KCNQ5: variants seen among roughly 807,000 people sequenced by gnomAD.
KCNQ5 encodes the protein potassium voltage-gated channel subfamily KQT member 5.
In KCNQ5, 30 loss-of-function variants were observed where a neutral mutation model predicts 98.2. The ratio of observed to expected loss-of-function variants is 0.31; its 90% confidence interval spans 0.23 to 0.41. The LOEUF (loss-of-function observed/expected upper bound fraction) is 0.41. KCNQ5 is among the 10% of genes least tolerant of loss of function. The pLI, the probability that KCNQ5 is intolerant of heterozygous loss-of-function variation, is 1.00. For missense variants in KCNQ5, 835 were observed against 1,182.5 expected, an observed-to-expected ratio of 0.71 and a Z score of 4.31; for synonymous variants, 458 against 449.4, an observed-to-expected ratio of 1.02 and a Z score of -0.24.
intron 5 of KCNQ5, among the ~76,000 whole-genome samples, chr6:73,096,651 T>C (rs1774514215): frequency 6.6e-6 from 1 of 152,236 alleles, no homozygotes; most frequent in Admixed American, 6.5e-5. Flanking sequence ...TAGTTGTATA[T>C]ATTTCTGGGG....
intron 1 of KCNQ5, among the ~76,000 whole-genome samples, chr6:72,914,724 A>C (rs1047204383): frequency 2.6e-5 from 4 of 151,096 alleles, no homozygotes; most frequent in Non-Finnish European, 5.9e-5. Context: ...TTCTTTGCTA[A>C]GGAGCTTGTC....
chr6:72,735,480 G>A (rs571056032), intron 1 of KCNQ5, among the ~76,000 whole-genome samples: 1 of 152,154 alleles, frequency 6.6e-6, no homozygotes, highest in African/African-American at 2.4e-5. Context: ...ATACAATAGA[G>A]TACTACTAAT....
At chr6:72,733,125 A>G (rs1263394213) in intron 1 of KCNQ5, among the ~76,000 whole-genome samples, 1 of 152,196 alleles carries the variant, frequency 6.6e-6, no homozygotes, top group African/African-American at 2.4e-5. Flanking sequence ...TGGGCTGAAG[A>G]AATAAGTTTA....
chr6:72,771,545 A>T (rs1040648674), intron 1 of KCNQ5, among the ~76,000 whole-genome samples: 78 of 152,050 alleles, frequency 5.1e-4, no homozygotes, highest in African/African-American at 1.8e-3. Flanking sequence ...CTGATTAGTG[A>T]TGTAGAGCAC....
At chr6:72,870,641 C>G (rs1357045241) in intron 1 of KCNQ5, among the ~76,000 whole-genome samples, 1 of 152,110 alleles carries the variant, frequency 6.6e-6, no homozygotes, top group African/African-American at 2.4e-5. Context: ...TATTAAATAG[C>G]ATCCAAATAC....
intron 5 of KCNQ5, among the ~76,000 whole-genome samples, chr6:73,088,953 TC>T (rs1774113501): frequency 6.6e-6 from 1 of 152,168 alleles, no homozygotes; most frequent in South Asian, 2.1e-4. Flanking sequence ...TATTTCAATC[TC>T]TCCTGTACAT....
intron 1 of KCNQ5, among the ~76,000 whole-genome samples, chr6:72,976,533 C>T (rs1582122840): frequency 6.6e-6 from 1 of 152,246 alleles, no homozygotes; most frequent in Non-Finnish European, 1.5e-5. Flanking sequence ...TCTTCCTCAC[C>T]CTTACAAATA....
intron 5 of KCNQ5, among the ~76,000 whole-genome samples, chr6:73,096,623 T>C (rs545212972): frequency 2.6e-4 from 39 of 152,338 alleles, no homozygotes; most frequent in Admixed American, 2.1e-3. Context: ...TTTTCTTTCA[T>C]TGTAAATTGA....
intron 1 of KCNQ5, among the ~76,000 whole-genome samples, chr6:72,955,909 G>A (rs980121310): frequency 9.9e-5 from 15 of 152,176 alleles, no homozygotes; most frequent in Admixed American, 2.0e-4. Context: ...GACACAGAGT[G>A]AGACTCCATC....
chr6:72,869,170 A>G (rs538202061), intron 1 of KCNQ5, among the ~76,000 whole-genome samples: 1 of 152,336 alleles, frequency 6.6e-6, no homozygotes, highest in East Asian at 1.9e-4. Context: ...CAATGTCAAG[A>G]GCCACTTTCT....
At chr6:72,899,537 C>T (rs947176241) in intron 1 of KCNQ5, among the ~76,000 whole-genome samples, 1 of 152,080 alleles carries the variant, frequency 6.6e-6, no homozygotes, top group African/African-American at 2.4e-5. Context: ...AAATTTTTAT[C>T]TCAAATTTAA....
At position 72,656,744 on chromosome 6, in the gene KCNQ5, C is replaced by T. The variant is rs1023577762; in HGVS notation, c.398+34157C>T. Among the ~76,000 whole-genome samples, 3 of 152,152 alleles carry T rather than the reference C, an allele frequency of 2.0e-5. No homozygotes were observed. The East Asian group carries it at 5.8e-4, about 29-fold the overall frequency. On this transcript the variant is annotated intron_variant, in intron 1 of 13. Transcript: ENST00000370398. ...ATGCTCTATGAGGGTTTCTCCACCA[C>T]ACAAATTTATGTCCACTGAGAGCAT...
At chr6:72,968,410 A>G (rs1767721057) in intron 1 of KCNQ5, among the ~76,000 whole-genome samples, 1 of 152,146 alleles carries the variant, frequency 6.6e-6, no homozygotes, top group South Asian at 2.1e-4. Context: ...ACGGGTGAAG[A>G]AAAGAATCTC....
chr6:72,918,619 G>T (rs906541334), intron 1 of KCNQ5, among the ~76,000 whole-genome samples: 1 of 151,906 alleles, frequency 6.6e-6, no homozygotes, highest in African/African-American at 2.4e-5. Flanking sequence ...GAAATTGAGG[G>T]CTGGCTGGCC....
chr6:73,042,861 T>C (rs1771775549), intron 3 of KCNQ5, among the ~76,000 whole-genome samples: 1 of 152,108 alleles, frequency 6.6e-6, no homozygotes, highest in Non-Finnish European at 1.5e-5. Context: ...ATAAAAGCTA[T>C]TATTATTATT....
chr6:73,167,202 A>G (rs1562216625), intron 10 of KCNQ5, among the ~76,000 whole-genome samples: 1 of 152,218 alleles, frequency 6.6e-6, no homozygotes, highest in Non-Finnish European at 1.5e-5. Flanking sequence ...CTGAGTCAGA[A>G]CCAACTGTCA....
At chr6:72,977,715 T>C (rs933746258) in intron 1 of KCNQ5, among the ~76,000 whole-genome samples, 1 of 152,182 alleles carries the variant, frequency 6.6e-6, no homozygotes, top group African/African-American at 2.4e-5. Flanking sequence ...CTCTCCCCGC[T>C]TCTGCATCCT....
chr6:73,000,290 C>T (rs769524441), intron 1 of KCNQ5, among the ~76,000 whole-genome samples: 14 of 152,160 alleles, frequency 9.2e-5, no homozygotes, highest in Non-Finnish European at 1.5e-4. Flanking sequence ...GAAAGTCTGC[C>T]TCTGGCAATG....
Position 73,042,001 on chromosome 6 carries a change from T to A in KCNQ5, c.555T>A (p.Cys185Ter). The A allele has an allele frequency of 6.2e-7, 1 of 1,613,942 alleles. No individual in the cohort carries two copies. The highest frequency in any genetic ancestry group is 8.5e-7 in the Non-Finnish European group (1 of 1,179,830). Residue 185 changes from cysteine to a stop codon, truncating the protein, a stop_gained, in exon 3 of 14, where the codon TGT becomes TGA. Transcript: ENST00000370398. LOFTEE classifies it high-confidence loss of function. The stretch of plus-strand genomic sequence containing the variant: ...TTCGAATCTGGTCTGCGGGTTGCTG[T>A]TGTCGATATAGAGGATGGCAAGGAA... ...FIIRIWSAGCCCRYRGWQGRL... is the reference protein window; with the variant it reads ...FIIRIWSAGC
Sources: allele counts gnomAD v4.1 joint callset (sites outside exome capture counted in the v4.1 genomes callset), GRCh38; gene constraint gnomAD v4.1.1; transcripts MANE v1.5; gene names NCBI Gene and HGNC (gene_info 2026-07-23, HGNC 2026-07-21).